Variants in XYLT1 observed in about 807,000 individuals in gnomAD.
XYLT1 encodes the protein xylosyltransferase 1.
XYLT1 carries 36 observed loss-of-function variants against 91.3 expected under a neutral mutation model. The observed-to-expected ratio is 0.39, with a 90% CI of 0.30 to 0.52. The LOEUF is 0.52. Ranked by LOEUF, XYLT1 falls within the 20% of genes least tolerant of loss-of-function variation. The pLI is 0.68. For synonymous variants in XYLT1, 588 were observed against 532.0 expected, an observed-to-expected ratio of 1.11 and a Z score of -1.45; for missense variants, 1,242 against 1,284.5, an observed-to-expected ratio of 0.97 and a Z score of 0.51.
intron 5 of XYLT1, among the ~76,000 whole-genome samples, chr16:17,166,783 G>T (rs951482150): frequency 6.6e-6 from 1 of 151,866 alleles, no homozygotes; most frequent in Non-Finnish European, 1.5e-5. Flanking sequence ...AAAGTGCTGG[G>T]ACCACAGACA....
intron 1 of XYLT1, among the ~76,000 whole-genome samples, chr16:17,360,235 T>C (rs1196148711): frequency 2.0e-5 from 3 of 152,224 alleles, no homozygotes; most frequent in Non-Finnish European, 4.4e-5. Flanking sequence ...TGTCTGAGAC[T>C]TAATGCTTCA....
intron 3 of XYLT1, among the ~76,000 whole-genome samples, chr16:17,212,667 C>T (rs1330304519): frequency 6.6e-6 from 1 of 152,138 alleles, no homozygotes; most frequent in African/African-American, 2.4e-5. Flanking sequence ...CACTGACTTC[C>T]CCCGACCCCA....
intron 1 of XYLT1, among the ~76,000 whole-genome samples, chr16:17,463,024 G>C (rs940289829): frequency 1.3e-5 from 2 of 152,088 alleles, no homozygotes; most frequent in Non-Finnish European, 2.9e-5. Flanking sequence ...ATTACCTATG[G>C]ATAAACTTAA....
intron 3 of XYLT1, among the ~76,000 whole-genome samples, chr16:17,252,828 G>A (rs1447066456): frequency 6.6e-6 from 1 of 152,176 alleles, no homozygotes; most frequent in African/African-American, 2.4e-5. Context: ...TTGCAGCCAT[G>A]AGGAATTGTT....
intron 2 of XYLT1, among the ~76,000 whole-genome samples, chr16:17,284,363 C>T (rs969298746): frequency 6.6e-6 from 1 of 152,176 alleles, no homozygotes. Flanking sequence ...GTGAACAAAA[C>T]AGATTCAGCT....
At chr16:17,437,640 A>G (rs547737656) in intron 1 of XYLT1, among the ~76,000 whole-genome samples, 4 of 152,182 alleles carry the variant, frequency 2.6e-5, no homozygotes, top group Admixed American at 2.6e-4. Flanking sequence ...CTGTTCGTGG[A>G]GCGGTTGTTT....
At chr16:17,387,965 C>G (rs559857819) in intron 1 of XYLT1, among the ~76,000 whole-genome samples, 3 of 152,298 alleles carry the variant, frequency 2.0e-5, no homozygotes, top group Admixed American at 2.0e-4. Context: ...GACTCAGTAT[C>G]TTAGACTGAT....
At chr16:17,409,442 G>A (rs772195390) in intron 1 of XYLT1, among the ~76,000 whole-genome samples, 33 of 151,926 alleles carry the variant, frequency 2.2e-4, no homozygotes, top group African/African-American at 7.3e-4. Flanking sequence ...GAACCACAGC[G>A]ATCTTCCTAG....
At chr16:17,209,114 T>A (rs1019924852) in intron 3 of XYLT1, among the ~76,000 whole-genome samples, 2 of 152,228 alleles carry the variant, frequency 1.3e-5, no homozygotes, top group African/African-American at 4.8e-5. Context: ...CCAGAACTCT[T>A]TTCATCTTGC....
At chr16:17,405,011 G>A (rs566979067) in intron 1 of XYLT1, among the ~76,000 whole-genome samples, 11 of 152,256 alleles carry the variant, frequency 7.2e-5, no homozygotes, top group South Asian at 4.1e-4. Flanking sequence ...TTTCTGGAGG[G>A]ATGACTCAGA....
chr16:17,333,887 T>C (rs914690583), intron 2 of XYLT1, among the ~76,000 whole-genome samples: 8 of 152,042 alleles, frequency 5.3e-5, no homozygotes, highest in African/African-American at 1.7e-4. Flanking sequence ...ACGCCCGGCC[T>C]CATGTTGAAA....
At chr16:17,146,153 T>C (rs533899264) in intron 6 of XYLT1, among the ~76,000 whole-genome samples, 1 of 152,318 alleles carries the variant, frequency 6.6e-6, no homozygotes, top group East Asian at 1.9e-4. Flanking sequence ...GGGGAATTAC[T>C]TGAAACCTCA....
intron 3 of XYLT1, among the ~76,000 whole-genome samples, chr16:17,230,563 G>A (rs1247885552): frequency 1.3e-5 from 2 of 152,110 alleles, no homozygotes; most frequent in Non-Finnish European, 2.9e-5. Flanking sequence ...AAATCCAAAG[G>A]CTTGTCTTCA....
intron 10 of XYLT1, among the ~76,000 whole-genome samples, chr16:17,126,733 A>G (rs374012043): frequency 1.1e-4 from 16 of 152,310 alleles, no homozygotes; most frequent in African/African-American, 3.4e-4. Flanking sequence ...AGGAAGGCAG[A>G]AACCAGGTGC....
At chr16:17,408,578 G>A (rs558978727) in intron 1 of XYLT1, among the ~76,000 whole-genome samples, 86 of 152,348 alleles carry the variant, frequency 5.6e-4, no homozygotes, top group African/African-American at 2.0e-3. Context: ...GGGGATGGTG[G>A]CTTAGGCCGA....
Position 17,369,133 on chromosome 16 carries a change from T to C in XYLT1, c.364-11083A>G, listed in dbSNP as rs571058181. On this transcript the variant is annotated intron_variant, in intron 1 of 11. Coordinates refer to ENST00000261381, the MANE Select transcript of XYLT1 (RefSeq NM_022166.4). The stretch of plus-strand genomic sequence containing the variant: ...TGCATGGTGCACAAAAATACTTCTT[T>C]TTTTTTTTTTTTTTTTAGATGGAGT... 9.2e-4 allele frequency among the ~76,000 whole-genome samples: 136 copies of C among 147,914 alleles called. 1 individual carries two copies. Among genetic ancestry groups the C allele is most frequent in the African/African-American group, 3.1e-3 (128 of 40,710 alleles).
At chr16:17,260,945 C>A (rs2033712928) in intron 2 of XYLT1, among the ~76,000 whole-genome samples, 1 of 152,040 alleles carries the variant, frequency 6.6e-6, no homozygotes, top group Admixed American at 6.5e-5. Flanking sequence ...GAAGAAGGTG[C>A]CCCTAGGACT....
intron 1 of XYLT1, among the ~76,000 whole-genome samples, chr16:17,390,238 T>G (rs1008430719): frequency 6.6e-6 from 1 of 152,170 alleles, no homozygotes; most frequent in African/African-American, 2.4e-5. Context: ...AACAAATTCC[T>G]CTTTCCCCAC....
At chr16:17,390,346 G>A (rs1254586207) in intron 1 of XYLT1, among the ~76,000 whole-genome samples, 1 of 152,150 alleles carries the variant, frequency 6.6e-6, no homozygotes, top group Non-Finnish European at 1.5e-5. Context: ...TTAATACTTC[G>A]GGGTGGGGAG....
Sources: gnomAD v4.1 joint callset for allele counts (sites outside exome capture counted in the v4.1 genomes callset) on GRCh38, gnomAD v4.1.1 for gene constraint, MANE v1.5 for transcripts, NCBI Gene and HGNC (gene_info 2026-07-23, HGNC 2026-07-21) for gene names.